The following THEMIS variants were observed in gnomAD, a reference collection of about 807,000 sequenced individuals.
THEMIS encodes protein THEMIS.
A neutral mutation model predicts 52.6 loss-of-function variants in THEMIS; 37 were observed. The observed-to-expected ratio is 0.70, with a 90% CI of 0.54 to 0.93. The LOEUF is 0.93. Ranked by LOEUF, THEMIS falls within the 40% of genes least tolerant of loss-of-function variation. The pLI is 0.00. For missense variants in THEMIS, 808 were observed against 763.1 expected (o/e 1.06, Z -0.69); for synonymous variants, 292 against 272.7 (o/e 1.07, Z -0.70).
chr6:127,742,760 G>T (rs1416871366), intron 4 of THEMIS, among the ~76,000 whole-genome samples: 2 of 152,004 alleles, frequency 1.3e-5, no homozygotes, highest in African/African-American at 2.4e-5. Context: ...GTTGTCAGGG[G>T]CTGGGGGTGG....
chr6:127,807,946 T>G (rs963810915), intron 4 of THEMIS, among the ~76,000 whole-genome samples: 3 of 152,200 alleles, frequency 2.0e-5, no homozygotes, highest in Admixed American at 6.5e-5. Context: ...CAGGAACCAT[T>G]GCTTTCCTTC....
At chr6:127,875,542 C>A (rs965344039) in intron 1 of THEMIS, among the ~76,000 whole-genome samples, 1 of 152,204 alleles carries the variant, frequency 6.6e-6, no homozygotes, top group Non-Finnish European at 1.5e-5. Context: ...GTAAAACTTT[C>A]TGCAATGTTG....
At chr6:127,847,862 C>A (rs9491880) in intron 2 of THEMIS, among the ~76,000 whole-genome samples, 4,233 of 150,706 alleles carry the variant, frequency 0.028, 187 homozygotes, top group African/African-American at 0.094. Context: ...AAGAACAGAT[C>A]TGGAGGGATC....
intron 4 of THEMIS, among the ~76,000 whole-genome samples, chr6:127,758,375 T>G (rs563803717): frequency 7.4e-5 from 11 of 148,484 alleles, no homozygotes; most frequent in African/African-American, 2.7e-4. Flanking sequence ...AAATACCTTG[T>G]AATAATGAAA....
chr6:127,735,481 A>G (rs1774973709), intron 4 of THEMIS, among the ~76,000 whole-genome samples: 1 of 152,140 alleles, frequency 6.6e-6, no homozygotes, highest in Non-Finnish European at 1.5e-5. Context: ...GATGCACGTG[A>G]TTTTTATTTA....
chr6:127,752,493 A>G (rs1329669851), intron 4 of THEMIS, among the ~76,000 whole-genome samples: 1 of 151,574 alleles, frequency 6.6e-6, no homozygotes, highest in East Asian at 1.9e-4. Flanking sequence ...AAAATACAAA[A>G]GATCACAATG....
chr6:127,713,371 T>A (rs989041364), intron 5 of THEMIS, among the ~76,000 whole-genome samples: 1 of 151,890 alleles, frequency 6.6e-6, no homozygotes, highest in Non-Finnish European at 1.5e-5. Flanking sequence ...CCACACATAA[T>A]CTGTCAAGCA....
intron 1 of THEMIS, among the ~76,000 whole-genome samples, chr6:127,890,406 A>AGAAT (rs1386672597): frequency 6.6e-6 from 1 of 152,200 alleles, no homozygotes; most frequent in Admixed American, 6.5e-5. Context: ...GGAAGAGAGT[A>AGAAT]GAATGGTGGT....
At position 127,714,508 on chromosome 6, in the gene THEMIS, C is replaced by T. The variant is rs113168641; in HGVS notation, c.1895-4492G>A. Among the ~76,000 whole-genome samples, 117 of 151,936 alleles carry T rather than the reference C, an allele frequency of 7.7e-4. 1 individual carries two copies. The highest frequency in any genetic ancestry group is 2.8e-3 in the African/African-American group (115 of 41,488). On this transcript the variant is annotated intron_variant, in intron 5 of 5. Coordinates refer to ENST00000368248, the MANE Select transcript of THEMIS (RefSeq NM_001010923.3). ...GACCTATTAATATTTTACCCATAGG[C>T]CATGATGGTTTCCCAGCTCTGCTCT...
chr6:127,732,062 C>T (rs183970270), intron 4 of THEMIS, among the ~76,000 whole-genome samples: 69 of 150,136 alleles, frequency 4.6e-4, no homozygotes, highest in African/African-American at 1.6e-3. Flanking sequence ...TTAAATGTTA[C>T]GCAGTATTGG....
intron 1 of THEMIS, among the ~76,000 whole-genome samples, chr6:127,860,137 A>G (rs1779746812): frequency 6.6e-6 from 1 of 152,178 alleles, no homozygotes; most frequent in Non-Finnish European, 1.5e-5. Context: ...TGCAATAGAC[A>G]TTTATATGGC....
intron 2 of THEMIS, among the ~76,000 whole-genome samples, chr6:127,838,769 A>G (rs1207607557): frequency 6.6e-6 from 1 of 152,128 alleles, no homozygotes; most frequent in Non-Finnish European, 1.5e-5. Context: ...TTAAACCCAG[A>G]TGTGCAGTAA....
chr6:127,857,108 A>T (rs564677749), intron 1 of THEMIS, among the ~76,000 whole-genome samples: 32 of 152,080 alleles, frequency 2.1e-4, no homozygotes, highest in African/African-American at 6.3e-4. Flanking sequence ...GCGATTGGCA[A>T]TAGGAATCAG....
intron 4 of THEMIS, among the ~76,000 whole-genome samples, chr6:127,757,391 G>T (rs558350280): frequency 6.6e-6 from 1 of 152,108 alleles, no homozygotes; most frequent in South Asian, 2.1e-4. Context: ...TAATTCACCC[G>T]TGCATACATA....
chr6:127,713,163 A>G (rs1157891181), intron 5 of THEMIS, among the ~76,000 whole-genome samples: 2 of 151,880 alleles, frequency 1.3e-5, no homozygotes, highest in African/African-American at 2.4e-5. Flanking sequence ...TTTACCCACC[A>G]TTAACTTCCC....
At chr6:127,842,053 T>C (rs1023662849) in intron 2 of THEMIS, among the ~76,000 whole-genome samples, 1 of 152,052 alleles carries the variant, frequency 6.6e-6, no homozygotes, top group Non-Finnish European at 1.5e-5. Context: ...TAGCAACTTC[T>C]GACTTACATT....
chr6:127,918,547 C>T (rs2114547897), upstream of THEMIS: 2 of 152,304 alleles, frequency 1.3e-5, no homozygotes, highest in Middle Eastern at 6.8e-3. Flanking sequence ...CTCACCCCTA[C>T]CCACCAGCCA....
intron 4 of THEMIS, among the ~76,000 whole-genome samples, chr6:127,731,939 C>T (rs1259133204): frequency 2.2e-5 from 3 of 139,204 alleles, no homozygotes; most frequent in Non-Finnish European, 3.0e-5. Flanking sequence ...ATCTCCTGAC[C>T]TCATGATCCG....
chr6:127,755,195 T>C (rs2114356690), intron 4 of THEMIS, among the ~76,000 whole-genome samples: 1 of 152,338 alleles, frequency 6.6e-6, no homozygotes, highest in Admixed American at 6.5e-5. Flanking sequence ...AGTGTCATCA[T>C]CATAGATTAG....
Sources: gnomAD v4.1 joint callset for allele counts (sites outside exome capture counted in the v4.1 genomes callset) on GRCh38, gnomAD v4.1.1 for gene constraint, MANE v1.5 for transcripts, NCBI Gene and HGNC (gene_info 2026-07-23, HGNC 2026-07-21) for gene names.